HSP90B1: variants seen among roughly 807,000 people sequenced by gnomAD.
HSP90B1 encodes endoplasmin.
HSP90B1 carries 27 observed loss-of-function variants against 100.4 expected under a neutral mutation model. The observed-to-expected ratio is 0.27, with a 90% CI of 0.20 to 0.37. HSP90B1 has a LOEUF of 0.37. Among genes scored for constraint, HSP90B1 ranks in the 10% least tolerant of loss-of-function variants. HSP90B1 has a pLI of 1.00. For missense variants in HSP90B1, 678 were observed against 960.5 expected (o/e 0.71, Z 3.89); for synonymous variants, 304 against 330.8 (o/e 0.92, Z 0.88).
intron 7 of HSP90B1, 114 bp from the exon 8 acceptor site, chr12:103,939,395 A>G (rs936467978): frequency 5.5e-6 from 3 of 547,466 alleles, no homozygotes; most frequent in Non-Finnish European, 9.8e-6. Context: ...GAGCCACCAC[A>G]CCAGTCCTCT....
rs146331537 is a variant in HSP90B1, at chr12:103,932,882, A to G, written c.351A>G (p.Leu117=). The change falls in exon 4 of 18, where the codon CTA becomes CTG. Residue 117 remains leucine, a synonymous_variant. Transcript: ENST00000299767. ...CTGATGCTTTAGATAAGATAAGGCT[A>G]ATATCACTGACTGATGAAAATGCTC... ...NASDALDKIR[L]ISLTDENALS... 3 of 1,607,842 alleles carry G rather than the reference A, an allele frequency of 1.9e-6. No homozygotes were observed. Among genetic ancestry groups the G allele is most frequent in the Non-Finnish European group, 2.6e-6 (3 of 1,174,614 alleles).
At chr12:103,934,922 A>G (rs1457544707) in intron 5 of HSP90B1, among the ~76,000 whole-genome samples, 1 of 152,152 alleles carries the variant, frequency 6.6e-6, no homozygotes, top group Non-Finnish European at 1.5e-5. Context: ...GCTGGTCTCG[A>G]ACTCCCGACC....
chr12:103,940,657 A>G (rs1870050301), intron 8 of HSP90B1, among the ~76,000 whole-genome samples: 1 of 151,846 alleles, frequency 6.6e-6, no homozygotes, highest in Non-Finnish European at 1.5e-5. Context: ...AATATAATTA[A>G]TGTGAGCCAC....
intron 8 of HSP90B1, among the ~76,000 whole-genome samples, chr12:103,941,075 G>C (rs1870062150): frequency 6.6e-6 from 1 of 152,118 alleles, no homozygotes; most frequent in African/African-American, 2.4e-5. Context: ...TTGTCATTTA[G>C]GCAGGGTGGT....
intron 6 of HSP90B1, 91 bp from the exon 7 acceptor site, chr12:103,938,248 AT>A: frequency 3.4e-6 from 4 of 1,194,024 alleles, no homozygotes; most frequent in Non-Finnish European, 4.6e-6. Flanking sequence ...ACAAAAACCT[AT>A]TTTTTGACCT....
At position 103,942,682 on chromosome 12, in the gene HSP90B1, T is replaced by A. The variant is rs368541065; in HGVS notation, c.1530T>A (p.Leu510=). The change falls in exon 12 of 18, where the codon CTT becomes CTA. Residue 510 remains leucine, a synonymous_variant. Transcript: ENST00000299767. ...ATCGAACACGTCTTGCTAAACTTCT[T>A]AGGTTCCAGTCTTCTCATCATCCAA... is the stretch of plus-strand genomic sequence containing the variant. The part of the protein sequence containing the change: ...HSNRTRLAKL[L]RFQSSHHPTD... 3.0e-5 allele frequency: 48 copies of A among 1,613,832 alleles called. No individual in the cohort carries two copies. The African/African-American group carries it at 6.3e-4, about 21-fold the overall frequency.
At position 103,943,353 on chromosome 12, in the gene HSP90B1, G is replaced by T; in HGVS notation, c.1890+34G>T. On this transcript the variant is annotated intron_variant, in intron 13 of 17. Coordinates refer to ENST00000299767, the MANE Select transcript of HSP90B1 (RefSeq NM_003299.3). This position sits in a 1 kb window ranked among gnomAD's most constrained non-coding sequence, Gnocchi z 5.3. Reference sequence around the variant, plus strand: ...GAAATTACAAATTGTGGAAATATTAGTATCAGCATTTAAGAGAAAGTTATT... The same window carrying T: ...GAAATTACAAATTGTGGAAATATTATTATCAGCATTTAAGAGAAAGTTATT... 1 of 1,598,316 alleles carries T rather than the reference G, an allele frequency of 6.3e-7. No homozygotes were observed. The highest frequency in any genetic ancestry group is 1.1e-5 in the South Asian group (1 of 90,136).
chr12:103,936,758 C>T (rs999791556), intron 5 of HSP90B1, among the ~76,000 whole-genome samples: 2 of 152,074 alleles, frequency 1.3e-5, no homozygotes, highest in Admixed American at 1.3e-4. Flanking sequence ...CTTTTAAATG[C>T]TTCTACCTAA....
chr12:103,947,121 G>A (rs987456404), intron 16 of HSP90B1, among the ~76,000 whole-genome samples, 180 bp downstream of exon 16: 18 of 152,200 alleles, frequency 1.2e-4, no homozygotes, highest in East Asian at 1.9e-4. Context: ...TAGAAACTAA[G>A]TCCTCCTTTT....
Position 103,941,621 on chromosome 12 carries a change from C to G in HSP90B1, c.1231-8C>G, listed in dbSNP as rs746479813. ...TTCCAGAAAGTGACTTTTTTTTGGT[C>G]TCTTTAGCTCTATGTGCGCCGTGTA... On this transcript the variant is annotated splice_region_variant and splice_polypyrimidine_tract_variant and intron_variant, in intron 9 of 17. Coordinates refer to ENST00000299767, the MANE Select transcript of HSP90B1 (RefSeq NM_003299.3). The G allele has an allele frequency of 6.2e-7, 1 of 1,612,822 alleles. No individual in the cohort carries two copies.
intron 7 of HSP90B1, chr12:103,938,747 T>G (rs1183754900): frequency 5.7e-6 from 1 of 174,254 alleles, no homozygotes; most frequent in Admixed American, 6.2e-5. Flanking sequence ...AAAAGCCTTC[T>G]GAGTCCTCTT....
chr12:103,935,407 G>A (rs1869884055), intron 5 of HSP90B1, among the ~76,000 whole-genome samples: 1 of 152,096 alleles, frequency 6.6e-6, no homozygotes, highest in African/African-American at 2.4e-5. Context: ...CAGTTGGCTT[G>A]CCAACTCCTG....
In HSP90B1 at chr12:103,947,673, C is replaced by A. The variant is rs200512715; in HGVS notation, c.*11C>A. ...AAAGATGAATTGTAAATTATACTCT[C>A]ACCATTTGGATCCTGTGTGGAGAGG... On this transcript the variant is annotated 3_prime_UTR_variant, in exon 18 of 18. Transcript: ENST00000299767. The A allele has an allele frequency of 3.1e-5, 50 of 1,593,100 alleles. No homozygotes were observed. The highest frequency in any genetic ancestry group is 1.7e-4 in the Admixed American group (10 of 59,802).
In HSP90B1 at chr12:103,946,936, G is replaced by C. The variant is rs1380248702; in HGVS notation, c.2257G>C (p.Ala753Pro). ...CCTCAGTTTGAACATTGACCCTGAT[G>C]CAAAGGTTTGTATCCCCAACCTTCC... is the stretch of plus-strand genomic sequence containing the variant. ...LRLSLNIDPD[A>P]KVEEEPEEEP... The change falls in exon 16 of 18, where the codon GCA (alanine) becomes CCA (proline). Residue 753 changes from alanine (A) to proline (P), a missense_variant. Physicochemically the swap from Ala to Pro is conservative, Grantham distance 27. Coordinates refer to ENST00000299767, the MANE Select transcript of HSP90B1 (RefSeq NM_003299.3). 6.2e-7 allele frequency: 1 copy of C among 1,612,012 alleles called. No homozygotes were observed. Among genetic ancestry groups the C allele is most frequent in the African/African-American group, 1.3e-5 (1 of 74,806 alleles).
chr12:103,930,451 C>T lies in HSP90B1; in HGVS notation c.-65C>T, dbSNP rs1451602512. On this transcript the variant is annotated 5_prime_UTR_variant, in exon 1 of 18. Transcript: ENST00000299767. The surrounding 1 kb of genome is among the most constrained non-coding windows in gnomAD (Gnocchi z 4.4). Reference sequence around the variant, plus strand: ...GGCTGGAGGTGTGAGGATCCGAACCCAGGGGTGGGGGGTGGAGGCGGCTCC... The same window carrying T: ...GGCTGGAGGTGTGAGGATCCGAACCTAGGGGTGGGGGGTGGAGGCGGCTCC... The T allele has an allele frequency of 6.6e-7, 1 of 1,505,336 alleles. No homozygotes were observed. Among genetic ancestry groups the T allele is most frequent in the Non-Finnish European group, 9.0e-7 (1 of 1,112,030 alleles). 93.2% of individuals were successfully genotyped at this position (1,505,336 alleles called of 1,614,324 possible). A position where few individuals can be genotyped will look rare whatever the true frequency, so the allele number is the denominator to read the frequency against.
chr12:103,942,035 T>C (rs534620479), intron 11 of HSP90B1, 138 bp downstream of exon 11: 4 of 658,740 alleles, frequency 6.1e-6, no homozygotes, highest in African/African-American at 3.6e-5. Flanking sequence ...TCTGGAGTTA[T>C]CAGATCCTAA....
At position 103,946,844 on chromosome 12, in the gene HSP90B1, C is replaced by T. The variant is rs576372064; in HGVS notation, c.2165C>T (p.Thr722Met). 4.3e-6 allele frequency: 7 copies of T among 1,614,074 alleles called. No homozygotes were observed. Among genetic ancestry groups the T allele is most frequent in the East Asian group, 2.2e-5 (1 of 44,884 alleles). ...GCTGTGGTTTTGTTTGAAACAGCAACGCTTCGGTCAGGGTATCTTTTACCA... is the reference window on the plus strand; with the variant it reads ...GCTGTGGTTTTGTTTGAAACAGCAATGCTTCGGTCAGGGTATCTTTTACCA... ...DLAVVLFETA[T>M]LRSGYLLPDT... The change falls in exon 16 of 18, where the codon ACG becomes ATG. Residue 722 changes from threonine to methionine, a missense_variant. Physicochemically the swap from Thr to Met is moderately conservative, Grantham distance 81. Transcript: ENST00000299767.
rs748639258 is a variant in HSP90B1, at chr12:103,943,340, T to C, written c.1890+21T>C. 3.1e-6 allele frequency: 5 copies of C among 1,608,382 alleles called. No homozygotes were observed. In the Middle Eastern group the frequency reaches 5.0e-4, roughly 160 times the overall value. On this transcript the variant is annotated intron_variant, in intron 13 of 17. Transcript: ENST00000299767. The surrounding 1 kb of genome is among the most constrained non-coding windows in gnomAD (Gnocchi z 5.3). ...ACAAGGTACTGTGGAAATTACAAATTGTGGAAATATTAGTATCAGCATTTA... is the reference window on the plus strand; with the variant it reads ...ACAAGGTACTGTGGAAATTACAAATCGTGGAAATATTAGTATCAGCATTTA...
Position 103,943,729 on chromosome 12 carries a change from T to G in HSP90B1, c.1891-9T>G, listed in dbSNP as rs1440291118. The G allele has an allele frequency of 5.0e-6, 8 of 1,609,538 alleles. No individual in the cohort carries two copies. Among genetic ancestry groups the G allele is most frequent in the Non-Finnish European group, 6.8e-6 (8 of 1,178,460 alleles). On this transcript the variant is annotated splice_polypyrimidine_tract_variant and intron_variant, in intron 13 of 17. Transcript: ENST00000299767. This position sits in a 1 kb window ranked among gnomAD's most constrained non-coding sequence, Gnocchi z 5.3. ...TATTAATTTATATGACTTGATTTCT[T>G]TCCCTAAGATTGAAAAGGCTGTGGT...
Sources: allele counts gnomAD v4.1 joint callset (sites outside exome capture counted in the v4.1 genomes callset), GRCh38; gene constraint gnomAD v4.1.1; non-coding constraint Gnocchi (gnomAD v3.1); transcripts MANE v1.5; gene names NCBI Gene and HGNC (gene_info 2026-07-23, HGNC 2026-07-21).